The following PKIB variants were observed in gnomAD, a reference collection of about 807,000 sequenced individuals.
PKIB encodes cAMP-dependent protein kinase inhibitor beta.
In PKIB, 2 loss-of-function variants were observed where a neutral mutation model predicts 4.5. That is an observed-to-expected ratio of 0.44 (90% CI 0.18 to 1.39). PKIB has a LOEUF of 1.39. Among genes scored for constraint, PKIB ranks in the 40% most tolerant of loss-of-function variants. The pLI is 0.27. For missense variants in PKIB, 94 were observed against 92.6 expected, an observed-to-expected ratio of 1.02 and a Z score of -0.06; for synonymous variants, 38 against 36.0, an observed-to-expected ratio of 1.06 and a Z score of -0.20.
Position 122,479,439 on chromosome 6 carries a change from A to G in PKIB, c.-248+1500A>G, listed in dbSNP as rs1775541873. The stretch of plus-strand genomic sequence containing the variant: ...GGAAACAACATGTAGTATTATGACT[A>G]TGTGTTTTAATTCTGTCAATTAGAA... On this transcript the variant is annotated intron_variant, in intron 2 of 6. Transcript: ENST00000392491. The G allele has an allele frequency of 2.0e-5, 3 of 152,198 alleles. No homozygotes were observed. In the South Asian group the frequency reaches 6.2e-4, roughly 32 times the overall value. 9.4% of individuals were successfully genotyped at this position (152,198 alleles called of 1,614,324 possible). A position where few individuals can be genotyped will look rare whatever the true frequency, so the allele number is the denominator to read the frequency against.
chr6:122,535,814 G>A (rs543871479), intron 2 of PKIB, among the ~76,000 whole-genome samples: 10 of 152,214 alleles, frequency 6.6e-5, no homozygotes, highest in African/African-American at 1.7e-4. Context: ...GACATCAGTC[G>A]GGTTTGTAAT....
At chr6:122,570,342 G>A (rs945655195) in intron 2 of PKIB, among the ~76,000 whole-genome samples, 31 of 152,130 alleles carry the variant, frequency 2.0e-4, no homozygotes, top group Admixed American at 1.4e-3. Flanking sequence ...AGGCTGGGAC[G>A]TCTGCCCACC....
intron 3 of PKIB, among the ~76,000 whole-genome samples, chr6:122,601,578 T>C (rs1196653861): frequency 6.6e-6 from 1 of 152,086 alleles, no homozygotes; most frequent in African/African-American, 2.4e-5. Context: ...CTACCACCTC[T>C]GAGATGTCAA....
chr6:122,568,007 ATTAT>A (rs1385040645), intron 2 of PKIB, among the ~76,000 whole-genome samples: 1 of 152,166 alleles, frequency 6.6e-6, no homozygotes, highest in African/African-American at 2.4e-5. Flanking sequence ...TATTATTAAC[ATTAT>A]TAATTAAAAT....
At chr6:122,490,191 A>G (rs1775898924) in intron 2 of PKIB, among the ~76,000 whole-genome samples, 1 of 152,246 alleles carries the variant, frequency 6.6e-6, no homozygotes, top group African/African-American at 2.4e-5. Context: ...TTTCAAACTT[A>G]TAAAAGCATC....
At chr6:122,599,010 C>T (rs1327430528) in intron 3 of PKIB, among the ~76,000 whole-genome samples, 1 of 152,130 alleles carries the variant, frequency 6.6e-6, no homozygotes, top group Non-Finnish European at 1.5e-5. Flanking sequence ...GTGTAGTGCA[C>T]CTCCTCATGG....
chr6:122,561,679 C>T (rs964644989), intron 2 of PKIB, among the ~76,000 whole-genome samples: 1 of 151,998 alleles, frequency 6.6e-6, no homozygotes, highest in Admixed American at 6.6e-5. Flanking sequence ...CCGTCTTTGA[C>T]TCTTTTAACT....
intron 2 of PKIB, among the ~76,000 whole-genome samples, chr6:122,542,879 C>T (rs1016945887): frequency 1.3e-5 from 2 of 152,154 alleles, no homozygotes; most frequent in African/African-American, 4.8e-5. Flanking sequence ...ATTCGAGCTT[C>T]CTGGCTGCTT....
intron 2 of PKIB, among the ~76,000 whole-genome samples, chr6:122,540,020 G>T (rs1226017890): frequency 1.3e-5 from 2 of 151,910 alleles, no homozygotes; most frequent in African/African-American, 4.8e-5. Context: ...TGGGATCGGT[G>T]GTGATATCCC....
At chr6:122,624,088 G>T (rs1204586906) in intron 1 of PKIB, among the ~76,000 whole-genome samples, 1 of 152,116 alleles carries the variant, frequency 6.6e-6, no homozygotes, top group Non-Finnish European at 1.5e-5. Context: ...TTGGCCAAGT[G>T]TACACAGTAA....
chr6:122,660,305 T>A (rs1218945239), intron 2 of PKIB, among the ~76,000 whole-genome samples: 1 of 152,174 alleles, frequency 6.6e-6, no homozygotes, highest in African/African-American at 2.4e-5. Context: ...CTAGGCTGAA[T>A]CCAGAGACCT....
intron 2 of PKIB, among the ~76,000 whole-genome samples, chr6:122,533,187 T>C (rs1366963938): frequency 1.3e-5 from 2 of 151,386 alleles, no homozygotes; most frequent in South Asian, 2.1e-4. Flanking sequence ...TATTTATTTA[T>C]GAGAAAGAGT....
intron 2 of PKIB, among the ~76,000 whole-genome samples, chr6:122,484,866 CA>C (rs1319951031): frequency 6.6e-6 from 1 of 152,146 alleles, no homozygotes; most frequent in African/African-American, 2.4e-5. Context: ...GATAGGTAGA[CA>C]AGATTGAAAA....
intron 2 of PKIB, among the ~76,000 whole-genome samples, chr6:122,670,165 A>C (rs1178954078): frequency 6.6e-6 from 1 of 152,068 alleles, no homozygotes; most frequent in African/African-American, 2.4e-5. Flanking sequence ...TTCAGTATGT[A>C]ACCTGGAAGT....
chr6:122,505,920 T>C (rs1265805520), intron 2 of PKIB, among the ~76,000 whole-genome samples: 2 of 152,148 alleles, frequency 1.3e-5, no homozygotes, highest in African/African-American at 2.4e-5. Context: ...TCCACAATTT[T>C]TGAGGAATTT....
At chr6:122,666,670 T>C (rs147726873) in intron 2 of PKIB, among the ~76,000 whole-genome samples, 209 of 152,344 alleles carry the variant, frequency 1.4e-3, no homozygotes, top group African/African-American at 4.9e-3. Context: ...AGTGAACATC[T>C]GGTATTAATC....
chr6:122,568,875 G>A (rs1410440500), intron 2 of PKIB, among the ~76,000 whole-genome samples: 2 of 152,106 alleles, frequency 1.3e-5, no homozygotes, highest in Admixed American at 6.5e-5. Context: ...TTATGGCCTC[G>A]GGCAGGTCTG....
At chr6:122,568,315 A>T (rs774623559) in intron 2 of PKIB, among the ~76,000 whole-genome samples, 9 of 152,160 alleles carry the variant, frequency 5.9e-5, no homozygotes, top group Non-Finnish European at 1.0e-4. Flanking sequence ...TTTACCATAA[A>T]ATCTGAAAGA....
rs193196719 is a variant in PKIB, at chr6:122,646,632, C to A, written c.-76+13265C>A. ...TCGATAGAGGAAAAAATCCGTGTTT[C>A]TTTTTATTAGATTCTTTACAATGGT... is the stretch of plus-strand genomic sequence containing the variant. On this transcript the variant is annotated intron_variant, in intron 2 of 4. Transcript: ENST00000368452. Among the ~76,000 whole-genome samples, 550 of 152,172 alleles carry A rather than the reference C, an allele frequency of 3.6e-3. 2 individuals carry two copies. Among genetic ancestry groups the A allele is most frequent in the African/African-American group, 0.012 (510 of 41,536 alleles).
Sources: allele counts gnomAD v4.1 joint callset (sites outside exome capture counted in the v4.1 genomes callset), GRCh38; gene constraint gnomAD v4.1.1; transcripts MANE v1.5; gene names NCBI Gene and HGNC (gene_info 2026-07-23, HGNC 2026-07-21).